The following CAPN3 variants were observed in gnomAD, a reference collection of about 807,000 sequenced individuals.
CAPN3 encodes the protein calpain-3.
A neutral mutation model predicts 114.0 loss-of-function variants in CAPN3; 88 were observed. That is an observed-to-expected ratio of 0.77 (90% CI 0.65 to 0.92). The LOEUF is 0.92. Among genes scored for constraint, CAPN3 ranks in the 40% least tolerant of loss-of-function variants. The pLI, the probability that CAPN3 is intolerant of heterozygous loss-of-function variation, is 0.00. For missense variants in CAPN3, 1,028 were observed against 1,069.0 expected (o/e 0.96, Z 0.53); for synonymous variants, 386 against 382.9 (o/e 1.01, Z -0.09).
In CAPN3 at chr15:42,411,363, C is replaced by G. The variant is rs2054224977; in HGVS notation, c.2439+18C>G. ...TTCTGGAGGTAAAGCATAGGCACAGCACATTCCCCCTACACATTAAAACTC... is the reference window on the plus strand; with the variant it reads ...TTCTGGAGGTAAAGCATAGGCACAGGACATTCCCCCTACACATTAAAACTC... On this transcript the variant is annotated intron_variant, in intron 23 of 23. Coordinates refer to ENST00000397163, the MANE Select transcript of CAPN3 (RefSeq NM_000070.3). 1.2e-6 allele frequency: 2 copies of G among 1,610,908 alleles called. No individual in the cohort carries two copies. The highest frequency in any genetic ancestry group is 4.5e-5 in the East Asian group (2 of 44,856).
Position 42,359,882 on chromosome 15 carries a change from C to G in CAPN3, c.77C>G (p.Pro26Arg), listed in dbSNP as rs762020512. 4 of 1,614,066 alleles carry G rather than the reference C, an allele frequency of 2.5e-6. No homozygotes were observed. The East Asian group carries it at 8.9e-5, about 36-fold the overall frequency. Residue 26 changes from proline (P) to arginine (R), a missense_variant, in exon 1 of 24, where the codon CCG (proline) becomes CGG (arginine). Physicochemically the swap from Pro to Arg is moderately radical, Grantham distance 103. Transcript: ENST00000397163. ...EPRSPGPVPH[P>R]AQSKATEAGG... is the part of the protein sequence containing the mutation. ...CGGTCCCCAGGGCCAGTTCCTCACC[C>G]GGCCCAGAGCAAGGCCACTGAGGCT...
At chr15:42,395,064 C>T (rs796663283) in intron 8 of CAPN3, among the ~76,000 whole-genome samples, 8 of 152,140 alleles carry the variant, frequency 5.3e-5, no homozygotes, top group African/African-American at 1.2e-4. Context: ...CTGGGCCCCT[C>T]GGCTCCTGTA....
Position 42,405,467 on chromosome 15 carries a change from C to T in CAPN3, c.1783-459C>T, listed in dbSNP as rs181913280. 3.9e-5 allele frequency among the ~76,000 whole-genome samples: 6 copies of T among 152,178 alleles called. No individual in the cohort carries two copies. In the East Asian group the frequency reaches 5.8e-4, roughly 15 times the overall value. On this transcript the variant is annotated intron_variant, in intron 14 of 23. Coordinates refer to ENST00000397163, the MANE Select transcript of CAPN3 (RefSeq NM_000070.3). ...CTGAGATTACAGGTGCCCACCATCA[C>T]GCCTGGATAATTTTTGTATTTTTTA...
At chr15:42,371,861 G>A (rs1234897598) in intron 1 of CAPN3, among the ~76,000 whole-genome samples, 6 of 151,902 alleles carry the variant, frequency 3.9e-5, no homozygotes, top group Non-Finnish European at 8.8e-5. Context: ...CTACTCGGGA[G>A]GCTGAGGCAG....
In CAPN3 at chr15:42,409,023, G is replaced by C. The variant is rs567572891; in HGVS notation, c.1915-280G>C. 1.2e-3 allele frequency: 594 copies of C among 500,616 alleles called. 9 individuals carry two copies. In the South Asian group the frequency reaches 0.012, roughly 10 times the overall value. 31.0% of individuals were successfully genotyped at this position (500,616 alleles called of 1,614,324 possible). On this transcript the variant is annotated intron_variant, in intron 16 of 23. Coordinates refer to ENST00000397163, the MANE Select transcript of CAPN3 (RefSeq NM_000070.3). ...TGGAATGGTCAGGCCTGGGATGGTG[G>C]AGGGGGCTCTTGCAGGTGGGGACTG...
rs3803342 is a variant in CAPN3, at chr15:42,397,040, A to G, written c.1193+163A>G. Among the ~76,000 whole-genome samples, 10,521 of 152,248 alleles carry G rather than the reference A, an allele frequency of 0.069. 1,147 individuals are homozygous for G. Among genetic ancestry groups the G allele is most frequent in the African/African-American group, 0.23 (9,412 of 41,524 alleles). On this transcript the variant is annotated intron_variant, in intron 9 of 23. Transcript: ENST00000397163. The stretch of plus-strand genomic sequence containing the variant: ...CCAGCAAGGATGAGGTTCTGAGAGG[A>G]GCCTTCCAGGCCACAGGGACAACTG...
At chr15:42,363,668 T>G (rs2052707078) in intron 1 of CAPN3, among the ~76,000 whole-genome samples, 1 of 152,214 alleles carries the variant, frequency 6.6e-6, no homozygotes, top group Non-Finnish European at 1.5e-5. Context: ...GGCCACCTGG[T>G]AATGTGTGGT....
At chr15:42,384,418 T>A in intron 1 of CAPN3, 65 bp from the exon 2 acceptor site, 1 of 1,196,218 alleles carries the variant, frequency 8.4e-7, no homozygotes, top group Non-Finnish European at 1.3e-6. Flanking sequence ...CTCAAAAAAA[T>A]ACCTATCTAT....
intron 23 of CAPN3, 62 bp from the exon 24 acceptor site, chr15:42,411,685 G>T: frequency 1.7e-6 from 1 of 587,082 alleles, no homozygotes; most frequent in Admixed American, 2.5e-5. Context: ...AAGATTCCTA[G>T]GGCGGGGGGG....
At chr15:42,375,836 T>TA (rs1208749415) in intron 1 of CAPN3, among the ~76,000 whole-genome samples, 1 of 152,110 alleles carries the variant, frequency 6.6e-6, no homozygotes, top group Non-Finnish European at 1.5e-5. Flanking sequence ...AGTCCATACT[T>TA]TTCCTTAGTT....
chr15:42,394,125 T>G, intron 7 of CAPN3, 131 bp from the exon 8 acceptor site: 1 of 847,186 alleles, frequency 1.2e-6, no homozygotes, highest in Non-Finnish European at 2.0e-6. Flanking sequence ...ATTAATCTCC[T>G]TGGCCAGAGC....
intron 9 of CAPN3, among the ~76,000 whole-genome samples, chr15:42,398,674 C>T (rs886098929): frequency 1.0e-3 from 148 of 144,984 alleles, no homozygotes; most frequent in African/African-American, 3.9e-3. Context: ...CATATACACA[C>T]ACACACGTCT....
At chr15:42,366,816 A>G (rs1313337693) in intron 1 of CAPN3, among the ~76,000 whole-genome samples, 1 of 140,974 alleles carries the variant, frequency 7.1e-6, no homozygotes, top group Non-Finnish European at 1.5e-5. Context: ...CCCTCACAGA[A>G]TTCTTTTTTT....
chr15:42,369,633 A>G (rs951471778), intron 1 of CAPN3, among the ~76,000 whole-genome samples: 1 of 152,156 alleles, frequency 6.6e-6, no homozygotes, highest in Non-Finnish European at 1.5e-5. Flanking sequence ...TGTTGCCTGT[A>G]TCATTTCACG....
intron 3 of CAPN3, 135 bp downstream of exon 3, chr15:42,386,420 C>T: frequency 5.2e-6 from 4 of 763,720 alleles, no homozygotes; most frequent in East Asian, 2.5e-5. Context: ...CATGGACCCC[C>T]TTAAGGCTTC....
chr15:42,360,146 T>TC (rs28364367), intron 1 of CAPN3, 32 bp downstream of exon 1: 3 of 1,613,502 alleles, frequency 1.9e-6, no homozygotes, highest in African/African-American at 1.3e-5. Context: ...GGCTGGGTTT[T>TC]CCCCCCACGG....
At chr15:42,406,582 C>G (rs1170114821) in intron 15 of CAPN3, among the ~76,000 whole-genome samples, 1 of 151,682 alleles carries the variant, frequency 6.6e-6, no homozygotes, top group Non-Finnish European at 1.5e-5. Context: ...GTGAGATAGA[C>G]TCAAAGAAGT....
At chr15:42,396,919 G>T (rs1386777537) in intron 9 of CAPN3, 42 bp downstream of exon 9, 1 of 1,404,628 alleles carries the variant, frequency 7.1e-7, no homozygotes, top group South Asian at 1.2e-5. Flanking sequence ...GTAAGGGTGG[G>T]GAAGAGAGGG....
At chr15:42,404,799 A>C in intron 14 of CAPN3, 1 of 1,080,470 alleles carries the variant, frequency 9.3e-7, no homozygotes, top group Non-Finnish European at 1.1e-6. Context: ...ACCCTGAGCC[A>C]GTGCCAGGTC....
Sources: allele counts gnomAD v4.1 joint callset (sites outside exome capture counted in the v4.1 genomes callset), GRCh38; gene constraint gnomAD v4.1.1; transcripts MANE v1.5; gene names NCBI Gene and HGNC (gene_info 2026-07-23, HGNC 2026-07-21).